CDK19: variants seen among roughly 807,000 people sequenced by gnomAD.
CDK19 encodes cyclin-dependent kinase 19.
CDK19 carries 20 observed loss-of-function variants against 68.3 expected under a neutral mutation model. That is an observed-to-expected ratio of 0.29 (90% CI 0.21 to 0.43). The LOEUF is 0.43. CDK19 is among the 20% of genes least tolerant of loss of function. The pLI is 1.00. For synonymous variants in CDK19, 221 were observed against 222.8 expected, an observed-to-expected ratio of 0.99 and a Z score of 0.07; for missense variants, 339 against 623.5, an observed-to-expected ratio of 0.54 and a Z score of 4.86.
rs1426721673 is a variant in CDK19 at position 110,808,378 on chromosome 6, T to C, written c.128+6631A>G. Among the ~76,000 whole-genome samples, 9 of 152,198 alleles carry C rather than the reference T, an allele frequency of 5.9e-5. No homozygotes were observed. In the East Asian group the frequency reaches 1.7e-3, roughly 29 times the overall value. ...AACAAACTATAGCCTGCAGACTAAA[T>C]TCAGCCAACTGCTTATTTGTATAAA... is the stretch of plus-strand genomic sequence containing the variant. On this transcript the variant is annotated intron_variant, in intron 1 of 12. Transcript: ENST00000368911.
chr6:110,659,449 C>G (rs2817764), intron 4 of CDK19, among the ~76,000 whole-genome samples: 23 of 152,218 alleles, frequency 1.5e-4, no homozygotes, highest in Non-Finnish European at 8.8e-5. Flanking sequence ...TTCAATGCCT[C>G]TTGGCTAGCT....
At chr6:110,624,954 T>G (rs1778992986) in intron 8 of CDK19, among the ~76,000 whole-genome samples, 2 of 152,334 alleles carry the variant, frequency 1.3e-5, no homozygotes, top group South Asian at 4.1e-4. Flanking sequence ...ATGCCTATCC[T>G]ATAGATTTGC....
chr6:110,655,601 T>C (rs963159907), intron 4 of CDK19, among the ~76,000 whole-genome samples: 5 of 152,164 alleles, frequency 3.3e-5, no homozygotes, highest in Non-Finnish European at 4.4e-5. Context: ...AAGTCTGAAC[T>C]TGCATTGACG....
At chr6:110,644,382 A>C (rs1310708998) in intron 4 of CDK19, among the ~76,000 whole-genome samples, 1 of 152,020 alleles carries the variant, frequency 6.6e-6, no homozygotes, top group East Asian at 1.9e-4. Context: ...TAGGGGCAGG[A>C]GAGAGGAGGA....
At chr6:110,628,311 A>G (rs1290196871) in intron 6 of CDK19, among the ~76,000 whole-genome samples, 1 of 152,226 alleles carries the variant, frequency 6.6e-6, no homozygotes, top group Non-Finnish European at 1.5e-5. Context: ...TAAACAAGGA[A>G]AAAGGTTAAT....
At chr6:110,762,896 T>C (rs932025214) in intron 1 of CDK19, among the ~76,000 whole-genome samples, 1 of 152,206 alleles carries the variant, frequency 6.6e-6, no homozygotes, top group Non-Finnish European at 1.5e-5. Context: ...GCCAATGTAA[T>C]ACCTTGGAGC....
intron 2 of CDK19, among the ~76,000 whole-genome samples, chr6:110,737,978 A>G (rs932691425): frequency 6.6e-6 from 1 of 152,192 alleles, no homozygotes; most frequent in African/African-American, 2.4e-5. Context: ...CTATTCTCTT[A>G]ACACCATACC....
chr6:110,727,786 A>C (rs60432425), intron 2 of CDK19, among the ~76,000 whole-genome samples: 30 of 151,998 alleles, frequency 2.0e-4, no homozygotes, highest in African/African-American at 7.0e-4. Flanking sequence ...CAACCTGGGC[A>C]ACATACCGAG....
At chr6:110,812,812 T>TAAAAA (rs66478846) in intron 1 of CDK19, among the ~76,000 whole-genome samples, 22 of 101,606 alleles carry the variant, frequency 2.2e-4, no homozygotes, top group Middle Eastern at 6.8e-3. Flanking sequence ...TTTAAAACAG[T>TAAAAA]AAAAAAAAAA....
intron 1 of CDK19, among the ~76,000 whole-genome samples, chr6:110,764,951 A>AT (rs1779469875): frequency 7.0e-6 from 1 of 142,704 alleles, no homozygotes; most frequent in Admixed American, 7.4e-5. Flanking sequence ...ACTCCATCTC[A>AT]AAAATAAATA....
intron 4 of CDK19, among the ~76,000 whole-genome samples, chr6:110,656,170 T>C (rs898067386): frequency 2.0e-5 from 3 of 152,210 alleles, no homozygotes; most frequent in Admixed American, 6.5e-5. Context: ...TGTTGCTTTA[T>C]GATTATGTTT....
At chr6:110,713,030 C>T (rs962281157) in intron 2 of CDK19, among the ~76,000 whole-genome samples, 9 of 151,748 alleles carry the variant, frequency 5.9e-5, no homozygotes, top group African/African-American at 2.2e-4. Context: ...AACCCCGTCT[C>T]TACTAAAAAT....
At chr6:110,727,779 C>T (rs1168237239) in intron 2 of CDK19, among the ~76,000 whole-genome samples, 1 of 151,000 alleles carries the variant, frequency 6.6e-6, no homozygotes, top group Non-Finnish European at 1.5e-5. Context: ...TTGAGACCAA[C>T]CTGGGCAACA....
Position 110,746,201 on chromosome 6 carries a change from T to G in CDK19, c.129A>C (p.Gly43=), listed in dbSNP as rs765991784. The G allele has an allele frequency of 2.5e-6, 4 of 1,584,918 alleles. No individual in the cohort carries two copies. The South Asian group carries it at 4.6e-5, about 18-fold the overall frequency. Residue 43 remains glycine, a splice_region_variant and synonymous_variant, in exon 2 of 13, where the codon GGA becomes GGC. Transcript: ENST00000368911. ...GHVYKARRKD[G]KDEKEYALKQ... ...TCAATGCATATTCCTTTTCATCTTT[T>G]CTGCACATAAACAAAAAAACATCAT...
In CDK19 at chr6:110,689,151, T is replaced by C. The variant is rs544979108; in HGVS notation, c.205-18610A>G. On this transcript the variant is annotated intron_variant, in intron 2 of 12. Transcript: ENST00000368911. ...CGCATACTACTCCCCACTCCCTGCATGAACTCTTCTGTGCAGCAGAGGCAG... is the reference window on the plus strand; with the variant it reads ...CGCATACTACTCCCCACTCCCTGCACGAACTCTTCTGTGCAGCAGAGGCAG... 2.6e-5 allele frequency among the ~76,000 whole-genome samples: 4 copies of C among 152,232 alleles called. No homozygotes were observed. In the South Asian group the frequency reaches 6.2e-4, roughly 24 times the overall value.
At chr6:110,809,457 T>TCTGGCA (rs1782916901) in intron 1 of CDK19, among the ~76,000 whole-genome samples, 1 of 152,100 alleles carries the variant, frequency 6.6e-6, no homozygotes, top group Admixed American at 6.6e-5. Flanking sequence ...AGTTCAAGGC[T>TCTGGCA]ACAGTCAGCT....
chr6:110,784,057 G>T (rs1261876853), intron 1 of CDK19, among the ~76,000 whole-genome samples: 2 of 150,690 alleles, frequency 1.3e-5, no homozygotes, highest in Non-Finnish European at 2.9e-5. Flanking sequence ...TACTCGGGAG[G>T]CTGAGGCAAG....
chr6:110,636,937 C>T (rs1328214119), intron 5 of CDK19, among the ~76,000 whole-genome samples: 1 of 152,220 alleles, frequency 6.6e-6, no homozygotes, highest in Non-Finnish European at 1.5e-5. Context: ...CTGTCTTTCA[C>T]AGAGGCTTTC....
At chr6:110,792,261 G>A (rs921011985) in intron 1 of CDK19, among the ~76,000 whole-genome samples, 6 of 151,970 alleles carry the variant, frequency 3.9e-5, no homozygotes, top group Non-Finnish European at 7.4e-5. Flanking sequence ...GAGCCACCGC[G>A]CCTGGCCCTT....
Sources: gnomAD v4.1 joint callset for allele counts (sites outside exome capture counted in the v4.1 genomes callset) on GRCh38, gnomAD v4.1.1 for gene constraint, MANE v1.5 for transcripts, NCBI Gene and HGNC (gene_info 2026-07-23, HGNC 2026-07-21) for gene names.